Variants in PPFIA3 observed in about 807,000 individuals in gnomAD.
PPFIA3 encodes the protein liprin-alpha-3.
Under a neutral mutation model 145.8 loss-of-function variants are expected in PPFIA3, and 26 were observed. The ratio of observed to expected loss-of-function variants is 0.18; its 90% CI spans 0.13 to 0.25. The LOEUF is 0.25. Ranked by LOEUF, PPFIA3 falls within the 10% of genes least tolerant of loss-of-function variation. The pLI is 1.00. For missense variants in PPFIA3, 1,008 were observed against 1,587.8 expected (o/e 0.63, Z 6.21); for synonymous variants, 645 against 661.4 (o/e 0.98, Z 0.38).
intron 1 of PPFIA3, among the ~76,000 whole-genome samples, chr19:49,127,179 C>A (rs373965325): frequency 6.6e-6 from 1 of 150,412 alleles, no homozygotes; most frequent in Non-Finnish European, 1.5e-5. Flanking sequence ...GTCAGGAGTT[C>A]GAGACCAGCC....
intron 29 of PPFIA3, 29 bp downstream of exon 29, chr19:49,150,180 G>C: frequency 2.5e-6 from 4 of 1,573,460 alleles, no homozygotes; most frequent in Non-Finnish European, 3.5e-6. Context: ...GACCTTGGGG[G>C]TGCGGGGCGG....
At chr19:49,135,565 G>A (rs1014433795) in intron 13 of PPFIA3, among the ~76,000 whole-genome samples, 9 of 151,320 alleles carry the variant, frequency 5.9e-5, no homozygotes, top group African/African-American at 1.9e-4. Flanking sequence ...GTAGAGACAG[G>A]GCTTCACCAG....
intron 7 of PPFIA3, among the ~76,000 whole-genome samples, chr19:49,131,941 C>A (rs2122565526): frequency 6.9e-6 from 1 of 145,776 alleles, no homozygotes; most frequent in African/African-American, 2.6e-5. Context: ...ACCCGGGAGG[C>A]AGAGCTTGCA....
Position 49,142,837 on chromosome 19 carries a change from G to T in PPFIA3, c.2578G>T (p.Ala860Ser). 6.2e-7 allele frequency: 1 copy of T among 1,613,554 alleles called. No homozygotes were observed. The highest frequency in any genetic ancestry group is 8.5e-7 in the Non-Finnish European group (1 of 1,179,946). Reference sequence around the variant, plus strand: ...GGGCATGCCTGCCTGGTATGTGGCCGCCTGCCGGGCCAATGTCAAGAGCGG... The same window carrying T: ...GGGCATGCCTGCCTGGTATGTGGCCTCCTGCCGGGCCAATGTCAAGAGCGG... ...WVGMPAWYVA[A>S]CRANVKSGAI... Residue 860 changes from alanine to serine, a missense_variant, in exon 21 of 30, where the codon GCC becomes TCC. By Grantham distance (99) the Ala-to-Ser change is moderately conservative (BLOSUM62 1). Transcript: ENST00000334186.
At position 49,130,140 on chromosome 19, in the gene PPFIA3, G is replaced by T; in HGVS notation, c.657+73G>T. On this transcript the variant is annotated intron_variant, in intron 6 of 29. Coordinates refer to ENST00000334186, the MANE Select transcript of PPFIA3 (RefSeq NM_003660.4). This position sits in a 1 kb window ranked among gnomAD's most constrained non-coding sequence, Gnocchi z 4.5. ...CTTTGTGATAGTGTTTGTAACGTTT[G>T]GTATCATCCTCACTGGCCCTAAGAC... is the stretch of plus-strand genomic sequence containing the variant. 1 of 1,477,818 alleles carries T rather than the reference G, an allele frequency of 6.8e-7. No individual in the cohort carries two copies. Among genetic ancestry groups the T allele is most frequent in the South Asian group, 1.2e-5 (1 of 83,008 alleles). The allele number at this position is 1,477,818 out of a possible 1,614,324, so 91.5% of individuals were successfully genotyped here.
In PPFIA3 at chr19:49,128,027, G is replaced by C. The variant is rs772094405; in HGVS notation, c.154G>C (p.Gly52Arg). 2 of 1,596,780 alleles carry C rather than the reference G, an allele frequency of 1.3e-6. No individual in the cohort carries two copies. Among genetic ancestry groups the C allele is most frequent in the Non-Finnish European group, 1.7e-6 (2 of 1,179,138 alleles). ...LLETLREAQD[G>R]LATAQLRLRE... ...GGAGACGCTGCGCGAGGCACAGGACGGGTTGGCTACAGCGCAGCTGCGGCT... is the reference window on the plus strand; with the variant it reads ...GGAGACGCTGCGCGAGGCACAGGACCGGTTGGCTACAGCGCAGCTGCGGCT... Residue 52 changes from glycine (G) to arginine (R), a missense_variant, in exon 2 of 30, where the codon GGG (glycine) becomes CGG (arginine). By Grantham distance (125) the Gly-to-Arg change is moderately radical (BLOSUM62 -2). Coordinates refer to ENST00000334186, the MANE Select transcript of PPFIA3 (RefSeq NM_003660.4). The surrounding 1 kb of genome is among the most constrained non-coding windows in gnomAD (Gnocchi z 4.1).
At chr19:49,144,027 TG>T (rs35843667) in intron 21 of PPFIA3, among the ~76,000 whole-genome samples, 99,298 of 151,716 alleles carry the variant, frequency 0.65, 34,127 homozygotes, top group African/African-American at 0.85. Flanking sequence ...TTTTTCGAGA[TG>T]GGAGTCTTGC....
chr19:49,135,130 C>T (rs2041123250), intron 13 of PPFIA3, among the ~76,000 whole-genome samples: 1 of 152,174 alleles, frequency 6.6e-6, no homozygotes, highest in South Asian at 2.1e-4. Flanking sequence ...CAACCTCCAC[C>T]TCCTGAGTTC....
intron 5 of PPFIA3, among the ~76,000 whole-genome samples, chr19:49,129,699 T>C (rs1272593802): frequency 6.6e-6 from 1 of 152,066 alleles, no homozygotes; most frequent in Non-Finnish European, 1.5e-5. Context: ...GGGCTGGGGC[T>C]CAGGCTGGGA....
rs775030193 is a variant in PPFIA3, at chr19:49,148,771, G to A, written c.3109+8G>A. 21 of 1,609,160 alleles carry A rather than the reference G, an allele frequency of 1.3e-5. No homozygotes were observed. Among genetic ancestry groups the A allele is most frequent in the Non-Finnish European group, 1.8e-5 (21 of 1,175,730 alleles). On this transcript the variant is annotated splice_region_variant and intron_variant, in intron 25 of 29. Coordinates refer to ENST00000334186, the MANE Select transcript of PPFIA3 (RefSeq NM_003660.4). ...GTCAGACCCAGATCCGAGGTGAGTA[G>A]AGCCTAAGGGTCCCTTTGGGAGCCA...
chr19:49,149,349 G>A lies in PPFIA3; in HGVS notation c.3354+24G>A, dbSNP rs765366103. On this transcript the variant is annotated intron_variant, in intron 27 of 29. Coordinates refer to ENST00000334186, the MANE Select transcript of PPFIA3 (RefSeq NM_003660.4). This position sits in a 1 kb window ranked among gnomAD's most constrained non-coding sequence, Gnocchi z 5.7. The stretch of plus-strand genomic sequence containing the variant: ...AGGTGGGCGCGGCAACAGCTCAGAG[G>A]GCTCTGCTCCCAGCGGCTCCTCGAG... The A allele has an allele frequency of 6.2e-7, 1 of 1,613,162 alleles. No individual in the cohort carries two copies. Among genetic ancestry groups the A allele is most frequent in the South Asian group, 1.1e-5 (1 of 91,048 alleles).
chr19:49,131,129 G>A lies in PPFIA3; in HGVS notation c.879+530G>A, dbSNP rs975927415. Among the ~76,000 whole-genome samples, 67 of 139,196 alleles carry A rather than the reference G, an allele frequency of 4.8e-4. No homozygotes were observed. In the Middle Eastern group the frequency reaches 0.02, roughly 42 times the overall value. The allele number at this position is 139,196 out of a possible 152,430, so 91.3% of individuals were successfully genotyped here. On this transcript the variant is annotated intron_variant, in intron 7 of 29. Coordinates refer to ENST00000334186, the MANE Select transcript of PPFIA3 (RefSeq NM_003660.4). ...TCCGCCCACCTCGGCCTCCCAAAGT[G>A]TTGGGATTACAGTAGTGAGCCACCG...
intron 24 of PPFIA3, 194 bp from the exon 25 acceptor site, chr19:49,148,472 C>G (rs2041304408): frequency 2.7e-6 from 2 of 734,082 alleles, no homozygotes; most frequent in Non-Finnish European, 4.4e-6. Context: ...TAACCCTGGA[C>G]CCCTTCCAGG....
At chr19:49,140,177 C>A in intron 18 of PPFIA3, 89 bp downstream of exon 18, 1 of 1,403,354 alleles carries the variant, frequency 7.1e-7, no homozygotes, top group Non-Finnish European at 9.8e-7. Context: ...CATTTGACAT[C>A]CATTCATGTC....
At position 49,134,933 on chromosome 19, in the gene PPFIA3, GC is replaced by G. The variant is rs368718714; in HGVS notation, c.1520+21del. ...TACTCCAGGTGACAGCAGCCCTTCT[GC>G]CCTGCCCCCACCATGGAGCCCCGTT... is the stretch of plus-strand genomic sequence containing the variant. On this transcript the variant is annotated intron_variant, in intron 13 of 29. Coordinates refer to ENST00000334186, the MANE Select transcript of PPFIA3 (RefSeq NM_003660.4). 0.011 allele frequency: 17,235 copies of G among 1,531,416 alleles called. 106 individuals are homozygous for G. The highest frequency in any genetic ancestry group is 0.013 in the Non-Finnish European group (15,063 of 1,138,816). The allele number at this position is 1,531,416 out of a possible 1,614,324, so 94.9% of individuals were successfully genotyped here.
chr19:49,146,805 AT>A (rs1208689061), intron 23 of PPFIA3, among the ~76,000 whole-genome samples: 1 of 151,984 alleles, frequency 6.6e-6, no homozygotes, highest in Non-Finnish European at 1.5e-5. Flanking sequence ...TGGCTAGCGT[AT>A]GTAATCCCAG....
rs768901574 is a variant in PPFIA3, at chr19:49,139,818, C to A, written c.2227C>A (p.Pro743Thr). 4.3e-6 allele frequency: 7 copies of A among 1,610,564 alleles called. No individual in the cohort carries two copies. Among genetic ancestry groups the A allele is most frequent in the Non-Finnish European group, 5.9e-6 (7 of 1,177,840 alleles). Reference protein sequence around the residue: ...LQAGSLEDGGPPRGSEGTPDS... With the variant: ...LQAGSLEDGGTPRGSEGTPDS... ...GGCGGGGTCCCTGGAAGATGGGGGACCCCCACGGGGAAGGTCAGCAGGGAC... is the reference window on the plus strand; with the variant it reads ...GGCGGGGTCCCTGGAAGATGGGGGAACCCCACGGGGAAGGTCAGCAGGGAC... The change falls in exon 17 of 30, where the codon CCC becomes ACC. Residue 743 changes from proline (P) to threonine (T), a missense_variant. Pro to Thr is a conservative substitution (Grantham distance 38, BLOSUM62 -1). Transcript: ENST00000334186.
chr19:49,130,585 C>G lies in PPFIA3; in HGVS notation c.865C>G (p.Arg289Gly). Reference protein sequence around the residue: ...KAEEANSKLQRDLKEALAQRE... With the variant: ...KAEEANSKLQGDLKEALAQRE... ...AGAGGAAGCCAACTCCAAGCTGCAG[C>G]GCGACCTCAAGGAGGTGAGGCCCCC... Residue 289 changes from arginine to glycine, a missense_variant, in exon 7 of 30, where the codon CGC becomes GGC. By Grantham distance (125) the Arg-to-Gly change is moderately radical. Around this residue, in one of 11 missense-constraint regions of PPFIA3, gnomAD observed 136 missense variants for 160.7 expected, o/e 0.85. Coordinates refer to ENST00000334186, the MANE Select transcript of PPFIA3 (RefSeq NM_003660.4). This position sits in a 1 kb window ranked among gnomAD's most constrained non-coding sequence, Gnocchi z 4.5. The G allele has an allele frequency of 6.4e-7, 1 of 1,555,412 alleles. No individual in the cohort carries two copies. Among genetic ancestry groups the G allele is most frequent in the Non-Finnish European group, 8.7e-7 (1 of 1,150,312 alleles).
chr19:49,135,979 G>A, intron 14 of PPFIA3, 56 bp downstream of exon 14: 2 of 1,480,570 alleles, frequency 1.4e-6, no homozygotes, highest in South Asian at 2.7e-5. Flanking sequence ...GCAGCTGTAG[G>A]AAGTGGAACT....
Sources: allele counts gnomAD v4.1 joint callset (sites outside exome capture counted in the v4.1 genomes callset), GRCh38; gene constraint gnomAD v4.1.1; regional missense constraint gnomAD v4.1.1; non-coding constraint Gnocchi (gnomAD v3.1); transcripts MANE v1.5; gene names NCBI Gene and HGNC (gene_info 2026-07-23, HGNC 2026-07-21).